Variants in ATP13A4 observed in about 807,000 individuals in gnomAD.
The protein encoded by ATP13A4 is probable cation-transporting ATPase 13A4.
ATP13A4 carries 114 observed loss-of-function variants against 142.5 expected under a neutral mutation model. That is an observed-to-expected ratio of 0.80 (90% CI 0.69 to 0.93). ATP13A4 has a LOEUF of 0.93. ATP13A4 is among the 40% of genes least tolerant of loss of function. The probability of loss-of-function intolerance (pLI) is 0.00; values close to 1 mark genes in which losing one functional copy is unlikely to be tolerated. For missense variants in ATP13A4, 1,392 were observed against 1,454.0 expected, an observed-to-expected ratio of 0.96 and a Z score of 0.69; for synonymous variants, 488 against 514.8, an observed-to-expected ratio of 0.95 and a Z score of 0.70.
upstream of ATP13A4, among the ~76,000 whole-genome samples, chr3:193,559,648 T>G (rs73063964): frequency 3.5e-3 from 526 of 152,272 alleles, 2 homozygotes; most frequent in African/African-American, 0.012. Context: ...TCCCCATTAA[T>G]TACAGAAGAA....
At chr3:193,493,186 C>T in intron 3 of ATP13A4, 26 bp from the exon 4 acceptor site, 4 of 1,600,180 alleles carry the variant, frequency 2.5e-6, no homozygotes, top group Non-Finnish European at 3.4e-6. Flanking sequence ...ACTAAGAAAA[C>T]CTCTAGTTTG....
At chr3:193,538,497 T>TAA (rs376175094) in intron 1 of ATP13A4, among the ~76,000 whole-genome samples, 17,873 of 121,960 alleles carry the variant, frequency 0.15, 1,229 homozygotes, top group Non-Finnish European at 0.17. Flanking sequence ...GAATCCACAT[T>TAA]AAAAAAAAAA....
chr3:193,513,630 C>T (rs754064916), intron 2 of ATP13A4, among the ~76,000 whole-genome samples: 2 of 152,208 alleles, frequency 1.3e-5, no homozygotes, highest in African/African-American at 4.8e-5. Context: ...GGATGATGCA[C>T]ATTGTCCGAG....
At chr3:193,439,449 C>T (rs1410052064) in intron 21 of ATP13A4, among the ~76,000 whole-genome samples, 1 of 152,084 alleles carries the variant, frequency 6.6e-6, no homozygotes, top group African/African-American at 2.4e-5. Context: ...TTATTCCCAT[C>T]ATTATTATTA....
intron 2 of ATP13A4, 120 bp downstream of exon 2, chr3:193,514,578 A>C (rs937281741): frequency 1.5e-6 from 2 of 1,319,484 alleles, no homozygotes; most frequent in African/African-American, 2.9e-5. Context: ...AACCTAAGGA[A>C]CCAAAGACTG....
At chr3:193,442,046 C>T (rs925584878) in intron 19 of ATP13A4, among the ~76,000 whole-genome samples, 5 of 152,148 alleles carry the variant, frequency 3.3e-5, no homozygotes, top group Non-Finnish European at 5.9e-5. Context: ...TTCTGATACA[C>T]AGAGCAGCAT....
chr3:193,464,870 G>T, intron 12 of ATP13A4, 70 bp downstream of exon 12: 1 of 1,527,820 alleles, frequency 6.5e-7, no homozygotes, highest in Non-Finnish European at 9.0e-7. Flanking sequence ...TTGCAAGGGG[G>T]TAAAAGTAGA....
chr3:193,420,697 C>A (rs896004096), intron 25 of ATP13A4, among the ~76,000 whole-genome samples: 8 of 149,054 alleles, frequency 5.4e-5, no homozygotes, highest in Non-Finnish European at 1.0e-4. Flanking sequence ...AGAAACTTAA[C>A]AAAGAGATAA....
chr3:193,456,334 A>G (rs931659204), intron 16 of ATP13A4, among the ~76,000 whole-genome samples: 25 of 152,180 alleles, frequency 1.6e-4, no homozygotes, highest in Non-Finnish European at 2.9e-4. Context: ...TTGGTGGTGT[A>G]CATACCAGCC....
chr3:193,535,711 A>C (rs948099932), intron 1 of ATP13A4, among the ~76,000 whole-genome samples: 2 of 152,186 alleles, frequency 1.3e-5, no homozygotes, highest in Non-Finnish European at 2.9e-5. Context: ...AATTGTGAAT[A>C]GAAAATCAAA....
intron 13 of ATP13A4, 45 bp from the exon 14 acceptor site, chr3:193,459,276 C>A: frequency 1.2e-6 from 2 of 1,610,746 alleles, no homozygotes; most frequent in Non-Finnish European, 1.7e-6. Flanking sequence ...CGCCTCATGC[C>A]AAAACAGAGC....
At chr3:193,548,697 C>A (rs1723364067) in intron 1 of ATP13A4, among the ~76,000 whole-genome samples, 2 of 152,154 alleles carry the variant, frequency 1.3e-5, no homozygotes. Context: ...AGACGAACAT[C>A]AGCTATCAAA....
chr3:193,505,442 A>T (rs542558787), intron 2 of ATP13A4, among the ~76,000 whole-genome samples: 6 of 152,150 alleles, frequency 3.9e-5, no homozygotes, highest in Non-Finnish European at 8.8e-5. Context: ...CTATACACCT[A>T]TCTCTTCTTA....
intron 25 of ATP13A4, among the ~76,000 whole-genome samples, chr3:193,424,012 T>G (rs1279085202): frequency 2.7e-5 from 4 of 149,388 alleles, no homozygotes; most frequent in Admixed American, 1.4e-4. Context: ...GAAAAATCAG[T>G]AGCTTTTATA....
chr3:193,584,636 AG>A (rs1724634490), intron 1 of ATP13A4, among the ~76,000 whole-genome samples: 1 of 149,392 alleles, frequency 6.7e-6, no homozygotes, highest in African/African-American at 2.5e-5. Context: ...TAACAAAAAA[AG>A]ATACATTTTA....
upstream of ATP13A4, among the ~76,000 whole-genome samples, chr3:193,558,369 G>T (rs1172832464): frequency 6.6e-6 from 1 of 152,178 alleles, no homozygotes; most frequent in Non-Finnish European, 1.5e-5. Context: ...GGCAGATGAG[G>T]ATTTGGTGTG....
chr3:193,582,692 G>A lies in ATP13A4; in HGVS notation n.92-786C>T, dbSNP rs11919856. On this transcript the variant is annotated intron_variant and non_coding_transcript_variant, in intron 1 of 3. Coordinates refer to the ATP13A4 transcript ENST00000489140. ...TATATTACATATATATTATATATGT[G>A]TATAACATATATAATATATATGTAT... is the stretch of plus-strand genomic sequence containing the variant. 6.2e-4 allele frequency among the ~76,000 whole-genome samples: 30 copies of A among 48,562 alleles called. 10 individuals are homozygous for A. Among genetic ancestry groups the A allele is most frequent in the African/African-American group, 3.3e-3 (26 of 7,862 alleles). The allele number at this position is 48,562 out of a possible 152,430, so 31.9% of individuals were successfully genotyped here.
chr3:193,585,276 T>G (rs576765941), intron 1 of ATP13A4, among the ~76,000 whole-genome samples: 59 of 151,876 alleles, frequency 3.9e-4, no homozygotes, highest in African/African-American at 1.4e-3. Flanking sequence ...AAAAATTAGC[T>G]GGGTGTGGTG....
chr3:193,580,994 A>G (rs1266332599), intron 2 of ATP13A4, among the ~76,000 whole-genome samples: 1 of 152,242 alleles, frequency 6.6e-6, no homozygotes, highest in Non-Finnish European at 1.5e-5. Context: ...TTTTACTATG[A>G]ATAAATGCTT....
Sources: gnomAD v4.1 joint callset for allele counts (sites outside exome capture counted in the v4.1 genomes callset) on GRCh38, gnomAD v4.1.1 for gene constraint, MANE v1.5 for transcripts, NCBI Gene and HGNC (gene_info 2026-07-23, HGNC 2026-07-21) for gene names.